Variants in TNNI3K observed in about 807,000 individuals in gnomAD.
TNNI3K encodes TNNI3 interacting kinase.
TNNI3K carries 140 observed loss-of-function variants against 114.5 expected under a neutral mutation model. The ratio of observed to expected loss-of-function variants is 1.22; its 90% CI spans 1.07 to 1.41. TNNI3K has a LOEUF of 1.41. TNNI3K is among the 40% of genes most tolerant of loss of function. The pLI, the probability that TNNI3K is intolerant of heterozygous loss-of-function variation, is 0.00. For missense variants in TNNI3K, 1,125 were observed against 1,007.6 expected, an observed-to-expected ratio of 1.12 and a Z score of -1.58; for synonymous variants, 347 against 347.5, an observed-to-expected ratio of 1.00 and a Z score of 0.02.
intron 23 of TNNI3K, among the ~76,000 whole-genome samples, chr1:74,524,030 G>A (rs191930228): frequency 2.0e-4 from 31 of 152,152 alleles, no homozygotes; most frequent in African/African-American, 5.5e-4. Flanking sequence ...ATGACTGAAT[G>A]TGGAGTTGTT....
chr1:74,388,692 A>G (rs964967784), intron 17 of TNNI3K, among the ~76,000 whole-genome samples: 2 of 152,220 alleles, frequency 1.3e-5, no homozygotes, highest in African/African-American at 4.8e-5. Context: ...TGAAAAATAT[A>G]ACAAGGAAAA....
intron 7 of TNNI3K, among the ~76,000 whole-genome samples, chr1:74,338,139 A>G (rs1458160259): frequency 6.6e-6 from 1 of 152,082 alleles, no homozygotes; most frequent in East Asian, 1.9e-4. Context: ...AAATTTCTAG[A>G]CAGTTTTCCA....
chr1:74,409,558 ATCTC>A (rs1664783999), intron 17 of TNNI3K, among the ~76,000 whole-genome samples: 1 of 140,138 alleles, frequency 7.1e-6, no homozygotes, highest in African/African-American at 2.7e-5. Flanking sequence ...CAGTGGCACC[ATCTC>A]GGCTCACTGC....
At chr1:74,482,085 T>C (rs765685827) in intron 21 of TNNI3K, among the ~76,000 whole-genome samples, 47 of 152,366 alleles carry the variant, frequency 3.1e-4, no homozygotes, top group Non-Finnish European at 3.1e-4. Flanking sequence ...ATTCTATTAA[T>C]TCTGGCCAGT....
chr1:74,320,100 G>GTGC (rs1476154572), intron 5 of TNNI3K, among the ~76,000 whole-genome samples: 1 of 152,172 alleles, frequency 6.6e-6, no homozygotes, highest in African/African-American at 2.4e-5. Flanking sequence ...GTGTGATATT[G>GTGC]TGCTTCTTTT....
chr1:74,339,312 A>T (rs1366803595), intron 7 of TNNI3K, among the ~76,000 whole-genome samples: 1 of 152,094 alleles, frequency 6.6e-6, no homozygotes, highest in East Asian at 1.9e-4. Context: ...AAGTATTTTT[A>T]TTTCTTTCTA....
At chr1:74,391,278 GA>G (rs1663756690) in intron 17 of TNNI3K, among the ~76,000 whole-genome samples, 2 of 152,176 alleles carry the variant, frequency 1.3e-5, no homozygotes, top group Admixed American at 1.3e-4. Context: ...GTATTAGGGA[GA>G]AAAGGGCAAA....
chr1:74,448,613 T>C (rs1439474336), intron 20 of TNNI3K, among the ~76,000 whole-genome samples: 1 of 131,724 alleles, frequency 7.6e-6, no homozygotes, highest in Non-Finnish European at 1.6e-5. Flanking sequence ...CATAGATAGC[T>C]CTTATCATTT....
chr1:74,464,214 G>T (rs1667571594), intron 21 of TNNI3K, among the ~76,000 whole-genome samples: 1 of 152,204 alleles, frequency 6.6e-6, no homozygotes, highest in Non-Finnish European at 1.5e-5. Context: ...GACGGGTTAT[G>T]TCTGCTTTGT....
chr1:74,329,136 C>G (rs1421176118), intron 5 of TNNI3K, among the ~76,000 whole-genome samples: 1 of 151,976 alleles, frequency 6.6e-6, no homozygotes, highest in Non-Finnish European at 1.5e-5. Flanking sequence ...GAGGAGTGGA[C>G]TGGTAAAAAC....
intron 23 of TNNI3K, 147 bp from the exon 24 acceptor site, chr1:74,540,087 C>A: frequency 1.3e-6 from 1 of 747,308 alleles, no homozygotes; most frequent in Non-Finnish European, 2.1e-6. Flanking sequence ...CTGAACTCTT[C>A]CCCAACTAGT....
intron 21 of TNNI3K, chr1:74,471,265 C>G (rs1443154990): frequency 2.5e-6 from 1 of 400,534 alleles, no homozygotes; most frequent in East Asian, 3.6e-5. Context: ...CAGAGGCAGC[C>G]TCTTTGAAGT....
chr1:74,406,568 C>G (rs1664623558), intron 17 of TNNI3K, among the ~76,000 whole-genome samples: 1 of 152,114 alleles, frequency 6.6e-6, no homozygotes, highest in Non-Finnish European at 1.5e-5. Flanking sequence ...CCAGAAAGTT[C>G]TATGTTTTTA....
intron 9 of TNNI3K, among the ~76,000 whole-genome samples, chr1:74,346,917 T>A (rs922874942): frequency 6.6e-6 from 1 of 151,810 alleles, no homozygotes; most frequent in Non-Finnish European, 1.5e-5. Context: ...AGATTCTTCT[T>A]ATAAGGATGT....
At chr1:74,507,127 C>G (rs1669944644) in intron 23 of TNNI3K, among the ~76,000 whole-genome samples, 1 of 151,568 alleles carries the variant, frequency 6.6e-6, no homozygotes, top group Non-Finnish European at 1.5e-5. Flanking sequence ...TTATTCATTA[C>G]AAATATTTCA....
At position 74,471,947 on chromosome 1, in the gene TNNI3K, T is replaced by C. The variant is rs778970515; in HGVS notation, c.2121+8397T>C. The C allele has an allele frequency of 5.2e-6, 3 of 577,800 alleles. No individual in the cohort carries two copies. The African/African-American group carries it at 5.7e-5, about 11-fold the overall frequency. The allele number at this position is 577,800 out of a possible 1,614,324, so 35.8% of individuals were successfully genotyped here. On this transcript the variant is annotated intron_variant, in intron 21 of 24. Transcript: ENST00000326637. ...TGAAAATACCTAGGTTTGCTCTGTTTTAACAGTCCACAAGGATCATCATAT... is the reference window on the plus strand; with the variant it reads ...TGAAAATACCTAGGTTTGCTCTGTTCTAACAGTCCACAAGGATCATCATAT...
chr1:74,421,170 A>T (rs1665376555), intron 17 of TNNI3K, among the ~76,000 whole-genome samples: 1 of 152,152 alleles, frequency 6.6e-6, no homozygotes. Context: ...TCTTCCTGAT[A>T]TTTGACAAGC....
chr1:74,496,760 T>A (rs1669347199), intron 23 of TNNI3K, among the ~76,000 whole-genome samples: 1 of 152,176 alleles, frequency 6.6e-6, no homozygotes. Flanking sequence ...TCTGCCTCTT[T>A]TAAAATATTT....
chr1:74,325,366 A>C (rs2100394675), intron 5 of TNNI3K, among the ~76,000 whole-genome samples: 1 of 152,174 alleles, frequency 6.6e-6, no homozygotes, highest in Non-Finnish European at 1.5e-5. Context: ...GGACCTGGTG[A>C]TTATGTCTAG....
Sources: gnomAD v4.1 joint callset for allele counts (sites outside exome capture counted in the v4.1 genomes callset) on GRCh38, gnomAD v4.1.1 for gene constraint, MANE v1.5 for transcripts, NCBI Gene and HGNC (gene_info 2026-07-23, HGNC 2026-07-21) for gene names.